The following TMC1 variants were observed in gnomAD, a reference collection of about 807,000 sequenced individuals.
TMC1 encodes the protein transmembrane channel-like protein 1.
Under a neutral mutation model 105.8 loss-of-function variants are expected in TMC1, and 84 were observed. The ratio of observed to expected loss-of-function variants is 0.79; its 90% CI spans 0.67 to 0.95. The LOEUF (loss-of-function observed/expected upper bound fraction) is 0.95, where lower values mean the gene tolerates loss of function less well. Among genes scored for constraint, TMC1 ranks in the 40% least tolerant of loss-of-function variants. The pLI is 0.00. For missense variants in TMC1, 817 were observed against 914.1 expected (o/e 0.89, Z 1.37); for synonymous variants, 315 against 311.5 (o/e 1.01, Z -0.12).
chr9:72,544,806 A>C (rs1823738145), intron 1 of TMC1, among the ~76,000 whole-genome samples: 1 of 133,510 alleles, frequency 7.5e-6, no homozygotes, highest in Non-Finnish European at 1.6e-5. Context: ...TTTTAATTTC[A>C]ATAGGTTTTT....
intron 2 of TMC1, among the ~76,000 whole-genome samples, chr9:72,586,975 G>T (rs147012452): frequency 3.1e-4 from 47 of 152,248 alleles, no homozygotes; most frequent in African/African-American, 1.1e-3. Flanking sequence ...CCATCAACAA[G>T]GGACATTTGG....
chr9:72,722,775 G>C (rs1827049884), intron 8 of TMC1, among the ~76,000 whole-genome samples: 1 of 152,150 alleles, frequency 6.6e-6, no homozygotes, highest in Non-Finnish European at 1.5e-5. Context: ...GGTGAGTGAA[G>C]GACAGAAATG....
intron 8 of TMC1, among the ~76,000 whole-genome samples, chr9:72,731,928 G>A (rs1827217236): frequency 6.6e-6 from 1 of 152,072 alleles, no homozygotes; most frequent in Non-Finnish European, 1.5e-5. Flanking sequence ...ATTCTTGTTT[G>A]TTGGTAATTA....
At chr9:72,775,024 T>C (rs1827985278) in intron 13 of TMC1, among the ~76,000 whole-genome samples, 2 of 152,192 alleles carry the variant, frequency 1.3e-5, no homozygotes, top group Admixed American at 6.5e-5. Context: ...CAAATATCTA[T>C]TTTTAGTTAC....
chr9:72,656,026 A>G (rs1825879660), intron 5 of TMC1: 3 of 741,730 alleles, frequency 4.0e-6, no homozygotes, highest in Non-Finnish European at 7.4e-6. Context: ...CTTAGTAGGC[A>G]TTTGAACTGG....
chr9:72,633,568 T>C (rs1468433872), intron 4 of TMC1, among the ~76,000 whole-genome samples: 1 of 152,188 alleles, frequency 6.6e-6, no homozygotes, highest in Non-Finnish European at 1.5e-5. Context: ...CTTAATTTTC[T>C]TATTCTGTAA....
intron 2 of TMC1, among the ~76,000 whole-genome samples, chr9:72,589,067 G>T (rs972889254): frequency 3.9e-5 from 6 of 152,158 alleles, no homozygotes; most frequent in Admixed American, 3.9e-4. Context: ...ACCATGCCAG[G>T]CCAGAAAAAC....
chr9:72,607,002 T>TATAGAGAGAG (rs372785242), intron 2 of TMC1, among the ~76,000 whole-genome samples: 27 of 134,968 alleles, frequency 2.0e-4, no homozygotes, highest in South Asian at 1.0e-3. Context: ...TATATATATA[T>TATAGAGAGAG]AGAGAGAGAG....
intron 12 of TMC1, among the ~76,000 whole-genome samples, chr9:72,764,891 A>G (rs1282347029): frequency 6.6e-6 from 1 of 152,194 alleles, no homozygotes; most frequent in Non-Finnish European, 1.5e-5. Flanking sequence ...GCAAAATGAC[A>G]ATCTGAGGCT....
chr9:72,600,991 G>C (rs1204612180), intron 2 of TMC1, among the ~76,000 whole-genome samples: 1 of 152,160 alleles, frequency 6.6e-6, no homozygotes, highest in African/African-American at 2.4e-5. Flanking sequence ...GCTAATTTTT[G>C]TTAGGCAGTT....
chr9:72,634,469 C>T (rs186760776), intron 4 of TMC1, among the ~76,000 whole-genome samples: 24 of 152,302 alleles, frequency 1.6e-4, no homozygotes, highest in Non-Finnish European at 3.1e-4. Context: ...ATAAGCCCAA[C>T]CTTGTGGACT....
chr9:72,687,310 C>G (rs1047521832), intron 5 of TMC1, among the ~76,000 whole-genome samples: 2 of 152,138 alleles, frequency 1.3e-5, no homozygotes, highest in Admixed American at 6.6e-5. Flanking sequence ...CAATGTTAAT[C>G]TTATATCATT....
At position 72,830,700 on chromosome 9, in the gene TMC1, GT is replaced by G. The variant is rs1199291264; in HGVS notation, c.2260+21del. ...ACGAGCAGGTTGGAGATACGTTTAT[GT>G]TTGTAATGTTTGTAATTTTTCTTTT... On this transcript the variant is annotated intron_variant, in intron 23 of 23. Coordinates refer to ENST00000297784, the MANE Select transcript of TMC1 (RefSeq NM_138691.3). 2.0e-6 allele frequency: 3 copies of G among 1,509,520 alleles called. No homozygotes were observed. The highest frequency in any genetic ancestry group is 2.7e-6 in the Non-Finnish European group (3 of 1,109,860). 93.5% of individuals were successfully genotyped at this position (1,509,520 alleles called of 1,614,324 possible). A position where few individuals can be genotyped will look rare whatever the true frequency, so the allele number is the denominator to read the frequency against.
chr9:72,755,559 TTCTG>T (rs890086168), intron 12 of TMC1, among the ~76,000 whole-genome samples: 10 of 152,184 alleles, frequency 6.6e-5, no homozygotes, highest in African/African-American at 2.2e-4. Context: ...AAGGAGTTAT[TTCTG>T]TCCATTGAAA....
intron 5 of TMC1, among the ~76,000 whole-genome samples, chr9:72,660,214 A>G (rs1350804123): frequency 6.6e-6 from 1 of 151,926 alleles, no homozygotes; most frequent in Admixed American, 6.6e-5. Flanking sequence ...AATAGTGACT[A>G]TTTTTCTGAT....
At chr9:72,735,137 C>G (rs2117997441) in intron 8 of TMC1, among the ~76,000 whole-genome samples, 1 of 152,262 alleles carries the variant, frequency 6.6e-6, no homozygotes, top group Middle Eastern at 3.4e-3. Flanking sequence ...AATTATTTAT[C>G]AATGAGTCTG....
intron 1 of TMC1, among the ~76,000 whole-genome samples, chr9:72,525,124 G>A (rs1481301144): frequency 6.6e-6 from 1 of 152,168 alleles, no homozygotes; most frequent in African/African-American, 2.4e-5. Context: ...CTTAACAATA[G>A]TATCCAGGTG....
At chr9:72,788,161 A>G (rs1828201606) in intron 13 of TMC1, among the ~76,000 whole-genome samples, 178 bp from the exon 14 acceptor site, 1 of 152,248 alleles carries the variant, frequency 6.6e-6, no homozygotes, top group Non-Finnish European at 1.5e-5. Context: ...TAATTTCAAC[A>G]ACTGAACAAA....
At chr9:72,767,803 G>T (rs141115059) in intron 12 of TMC1, among the ~76,000 whole-genome samples, 3 of 152,182 alleles carry the variant, frequency 2.0e-5, no homozygotes, top group African/African-American at 7.2e-5. Flanking sequence ...AAAGCAGCAC[G>T]TGCTGATATC....
Sources: allele counts gnomAD v4.1 joint callset (sites outside exome capture counted in the v4.1 genomes callset), GRCh38; gene constraint gnomAD v4.1.1; transcripts MANE v1.5; gene names NCBI Gene and HGNC (gene_info 2026-07-23, HGNC 2026-07-21).